Variants in ZFYVE9 observed in about 807,000 individuals in gnomAD.
ZFYVE9 encodes zinc finger FYVE-type containing 9.
ZFYVE9 carries 43 observed loss-of-function variants against 126.7 expected under a neutral mutation model. The ratio of observed to expected loss-of-function variants is 0.34; its 90% CI spans 0.27 to 0.44. The LOEUF (loss-of-function observed/expected upper bound fraction) is 0.44, where lower values mean the gene tolerates loss of function less well. Among genes scored for constraint, ZFYVE9 ranks in the 20% least tolerant of loss-of-function variants. The pLI is 1.00. For synonymous variants in ZFYVE9, 521 were observed against 597.4 expected, an observed-to-expected ratio of 0.87 and a Z score of 1.87; for missense variants, 1,476 against 1,697.0, an observed-to-expected ratio of 0.87 and a Z score of 2.29.
chr1:52,159,721 T>G (rs541357013), intron 1 of ZFYVE9, among the ~76,000 whole-genome samples: 1 of 152,194 alleles, frequency 6.6e-6, no homozygotes, highest in Non-Finnish European at 1.5e-5. Flanking sequence ...AAGGTTGATA[T>G]AAGCGACATA....
intron 10 of ZFYVE9, among the ~76,000 whole-genome samples, chr1:52,282,202 C>T (rs1645811683): frequency 6.6e-6 from 1 of 152,046 alleles, no homozygotes; most frequent in Non-Finnish European, 1.5e-5. Flanking sequence ...ATTTCAAAAA[C>T]AATTAGCATA....
chr1:52,214,974 A>G (rs1483548496), intron 1 of ZFYVE9, among the ~76,000 whole-genome samples: 2 of 152,228 alleles, frequency 1.3e-5, no homozygotes, highest in Admixed American at 6.5e-5. Flanking sequence ...GATTCAAATG[A>G]GATTAGCTCA....
At chr1:52,206,738 C>T (rs946923479) in intron 1 of ZFYVE9, among the ~76,000 whole-genome samples, 9 of 152,196 alleles carry the variant, frequency 5.9e-5, no homozygotes, top group East Asian at 3.9e-4. Context: ...TTAGCAGAGA[C>T]GGGGTTTCGC....
intron 2 of ZFYVE9, among the ~76,000 whole-genome samples, chr1:52,217,404 G>A (rs998829257): frequency 3.3e-5 from 5 of 152,294 alleles, no homozygotes; most frequent in South Asian, 2.1e-4. Context: ...AACTCAAGTC[G>A]TCCCAACAAT....
At chr1:52,220,709 C>T (rs1645116423) in intron 2 of ZFYVE9, among the ~76,000 whole-genome samples, 1 of 152,144 alleles carries the variant, frequency 6.6e-6, no homozygotes, top group African/African-American at 2.4e-5. Context: ...GGGGCTTAGA[C>T]AGCATTTCCC....
chr1:52,261,811 T>C (rs147753511), intron 4 of ZFYVE9, among the ~76,000 whole-genome samples: 6 of 152,252 alleles, frequency 3.9e-5, no homozygotes, highest in African/African-American at 1.4e-4. Flanking sequence ...GGAAGAACAA[T>C]TTCAGAGGAA....
At chr1:52,281,478 A>C (rs534504146) in intron 9 of ZFYVE9, among the ~76,000 whole-genome samples, 183 bp from the exon 10 acceptor site, 2 of 152,254 alleles carry the variant, frequency 1.3e-5, no homozygotes, top group East Asian at 3.9e-4. Flanking sequence ...AGGCATTGGC[A>C]TGTTTTATTT....
At chr1:52,234,730 T>A (rs975603293) in intron 3 of ZFYVE9, among the ~76,000 whole-genome samples, 31 of 152,250 alleles carry the variant, frequency 2.0e-4, no homozygotes, top group African/African-American at 7.5e-4. Flanking sequence ...TCCTGGTTCA[T>A]GTAAATGTGA....
At chr1:52,263,751 C>CG in intron 4 of ZFYVE9, 22 bp from the exon 5 acceptor site, 2 of 822,210 alleles carry the variant, frequency 2.4e-6, no homozygotes. Context: ...TTTGTGTGTT[C>CG]TTCCCCCCCC....
chr1:52,237,110 G>A (rs765510064), intron 3 of ZFYVE9, among the ~76,000 whole-genome samples: 1 of 152,054 alleles, frequency 6.6e-6, no homozygotes, highest in Non-Finnish European at 1.5e-5. Context: ...TTTCCTTCCT[G>A]CTTAATTAGT....
chr1:52,228,411 C>T (rs1296157257), intron 2 of ZFYVE9, among the ~76,000 whole-genome samples: 1 of 152,098 alleles, frequency 6.6e-6, no homozygotes. Flanking sequence ...GAATGTTTAC[C>T]ACCCATCAGC....
At chr1:52,257,076 A>G (rs1192798190) in intron 4 of ZFYVE9, among the ~76,000 whole-genome samples, 1 of 152,212 alleles carries the variant, frequency 6.6e-6, no homozygotes, top group East Asian at 1.9e-4. Context: ...TCACACTGTA[A>G]GAGGGTATAA....
At chr1:52,189,125 T>G (rs1402718316) in intron 1 of ZFYVE9, among the ~76,000 whole-genome samples, 1 of 151,510 alleles carries the variant, frequency 6.6e-6, no homozygotes, top group Admixed American at 6.6e-5. Flanking sequence ...TTAGTAGAGA[T>G]GGGGTTTCAC....
intron 1 of ZFYVE9, among the ~76,000 whole-genome samples, chr1:52,167,616 T>C (rs72893911): frequency 0.019 from 2,913 of 152,264 alleles, 79 homozygotes; most frequent in African/African-American, 0.064. Context: ...TGCCACACTT[T>C]GGTTACAGGA....
intron 13 of ZFYVE9, among the ~76,000 whole-genome samples, chr1:52,314,244 T>C (rs1442983054): frequency 6.6e-6 from 1 of 152,252 alleles, no homozygotes; most frequent in Non-Finnish European, 1.5e-5. Context: ...CTTCCTTATA[T>C]ACTTAGGTAT....
At chr1:52,196,296 G>A (rs1056682198) in intron 1 of ZFYVE9, among the ~76,000 whole-genome samples, 4 of 152,128 alleles carry the variant, frequency 2.6e-5, no homozygotes, top group Non-Finnish European at 4.4e-5. Flanking sequence ...CTTTTAAGGA[G>A]TCTTGATGGA....
chr1:52,244,467 G>A (rs1383322023), intron 4 of ZFYVE9, among the ~76,000 whole-genome samples: 2 of 152,168 alleles, frequency 1.3e-5, no homozygotes, highest in Non-Finnish European at 2.9e-5. Context: ...TTAGTGGTGA[G>A]AGCATGAAGA....
chr1:52,296,742 C>A (rs1469158230), intron 12 of ZFYVE9, among the ~76,000 whole-genome samples: 1 of 152,186 alleles, frequency 6.6e-6, no homozygotes, highest in African/African-American at 2.4e-5. Flanking sequence ...TTTTTAATAA[C>A]CACCGAGATT....
At chr1:52,240,664 C>T (rs1645324364) in intron 4 of ZFYVE9, among the ~76,000 whole-genome samples, 1 of 152,148 alleles carries the variant, frequency 6.6e-6, no homozygotes, top group South Asian at 2.1e-4. Context: ...GTCTTCCCCT[C>T]ATGTCAGAAG....
Sources: gnomAD v4.1 joint callset for allele counts (sites outside exome capture counted in the v4.1 genomes callset) on GRCh38, gnomAD v4.1.1 for gene constraint, MANE v1.5 for transcripts, NCBI Gene and HGNC (gene_info 2026-07-23, HGNC 2026-07-21) for gene names.